The following NRG1 variants were observed in gnomAD, a reference collection of about 807,000 sequenced individuals.
The protein encoded by NRG1 is neuregulin 1, also known as pro-neuregulin-1, membrane-bound isoform.
NRG1 carries 18 observed loss-of-function variants against 63.8 expected under a neutral mutation model. The observed-to-expected ratio is 0.28, with a 90% confidence interval of 0.19 to 0.42. NRG1 has a LOEUF of 0.42. Ranked by LOEUF, NRG1 falls within the 10% of genes least tolerant of loss-of-function variation. The pLI, the probability that NRG1 is intolerant of heterozygous loss-of-function variation, is 1.00. For missense variants in NRG1, 762 were observed against 814.7 expected, an observed-to-expected ratio of 0.94 and a Z score of 0.79; for synonymous variants, 302 against 301.3, an observed-to-expected ratio of 1.00 and a Z score of -0.02.
intron 1 of NRG1, among the ~76,000 whole-genome samples, chr8:32,334,131 A>G (rs1802969640): frequency 6.6e-6 from 1 of 152,140 alleles, no homozygotes; most frequent in Non-Finnish European, 1.5e-5. Flanking sequence ...CATTTATATC[A>G]CTTACAAGAC....
At chr8:31,723,006 A>G (rs1813074433) in intron 1 of NRG1, among the ~76,000 whole-genome samples, 1 of 152,194 alleles carries the variant, frequency 6.6e-6, no homozygotes, top group African/African-American at 2.4e-5. Flanking sequence ...TTGATATATG[A>G]AAATATTCAC....
chr8:31,950,980 C>T (rs12334969), intron 1 of NRG1, among the ~76,000 whole-genome samples: 6,310 of 152,206 alleles, frequency 0.041, 459 homozygotes, highest in African/African-American at 0.14. Flanking sequence ...TGGAAAATAA[C>T]AGTGATTAGG....
At chr8:31,713,437 A>T (rs902580408) in intron 1 of NRG1, among the ~76,000 whole-genome samples, 1 of 152,028 alleles carries the variant, frequency 6.6e-6, no homozygotes, top group African/African-American at 2.4e-5. Flanking sequence ...TTTTTAACAC[A>T]TGGTGAGGTG....
rs528687052 is a variant in NRG1 at position 31,888,955 on chromosome 8, C to T, written c.37+249524C>T. Among the ~76,000 whole-genome samples, 22 of 152,194 alleles carry T rather than the reference C, an allele frequency of 1.4e-4. No homozygotes were observed. In the East Asian group the frequency reaches 4.1e-3, roughly 28 times the overall value. On this transcript the variant is annotated intron_variant, in intron 1 of 10. Transcript: ENST00000519301. ...AGGAGACTCATAAATATTGGTTTTT[C>T]AGGGTGAAGCATTGTGTGTTATTCC...
intron 1 of NRG1, among the ~76,000 whole-genome samples, chr8:32,221,799 T>TA (rs1203912776): frequency 3.3e-5 from 5 of 151,560 alleles, no homozygotes; most frequent in African/African-American, 1.2e-4. Context: ...AAAGTTGTAT[T>TA]TTTTTTAAAC....
chr8:32,137,765 T>C (rs79605235), intron 1 of NRG1, among the ~76,000 whole-genome samples: 2,975 of 152,276 alleles, frequency 0.02, 44 homozygotes, highest in Non-Finnish European at 0.031. Flanking sequence ...TCTCTCTATT[T>C]GGGTTTCAGG....
chr8:32,187,592 A>G (rs4733306), intron 1 of NRG1, among the ~76,000 whole-genome samples: 125,048 of 152,066 alleles, frequency 0.82, 52,019 homozygotes, highest in African/African-American at 0.93. Flanking sequence ...TGATTTGTGA[A>G]GCATTCATCT....
intron 1 of NRG1, among the ~76,000 whole-genome samples, chr8:31,847,287 A>G (rs1826779913): frequency 6.7e-6 from 1 of 149,642 alleles, no homozygotes. Context: ...TTTACCTAAG[A>G]CTTTAAAAGA....
At chr8:32,055,752 G>C (rs1438188658) in intron 1 of NRG1, among the ~76,000 whole-genome samples, 1 of 150,400 alleles carries the variant, frequency 6.6e-6, no homozygotes, top group Non-Finnish European at 1.5e-5. Flanking sequence ...TTTTAACTCA[G>C]AGGTATACTC....
intron 1 of NRG1, among the ~76,000 whole-genome samples, chr8:32,279,020 T>C (rs544818330): frequency 4.6e-5 from 7 of 152,216 alleles, no homozygotes; most frequent in Non-Finnish European, 1.0e-4. Flanking sequence ...ATTATGTTGA[T>C]GAATAAAGGG....
chr8:32,607,693 A>G (rs896376409), intron 3 of NRG1, among the ~76,000 whole-genome samples: 14 of 152,196 alleles, frequency 9.2e-5, no homozygotes, highest in Admixed American at 6.5e-5. Context: ...GTCTTGGTCT[A>G]GTGATCAAAT....
chr8:31,919,135 G>C (rs1265828913), intron 1 of NRG1, among the ~76,000 whole-genome samples: 3 of 151,414 alleles, frequency 2.0e-5, no homozygotes, highest in African/African-American at 7.3e-5. Flanking sequence ...CAATTTTGTT[G>C]ATCCTTTCAA....
At chr8:31,867,596 T>TA (rs11378425) in intron 1 of NRG1, among the ~76,000 whole-genome samples, 100,856 of 151,872 alleles carry the variant, frequency 0.66, 33,880 homozygotes, top group East Asian at 0.92. Context: ...TTTGGGAAAA[T>TA]AAGGCTGTAA....
At chr8:32,763,382 C>G in intron 11 of NRG1, 2 of 1,609,478 alleles carry the variant, frequency 1.2e-6, no homozygotes, top group Non-Finnish European at 1.7e-6. Flanking sequence ...AGTAATACTT[C>G]TTTCCCTTCC....
intron 1 of NRG1, among the ~76,000 whole-genome samples, chr8:32,451,119 T>A (rs13262234): frequency 0.052 from 7,989 of 152,270 alleles, 280 homozygotes; most frequent in Middle Eastern, 0.085. Flanking sequence ...AATTATAATT[T>A]TTCTCAAACT....
intron 1 of NRG1, among the ~76,000 whole-genome samples, chr8:32,554,675 T>A (rs1398188148): frequency 6.6e-6 from 1 of 152,184 alleles, no homozygotes; most frequent in East Asian, 1.9e-4. Context: ...ACACATTAGA[T>A]TTCTTTTGCA....
chr8:31,698,103 A>G (rs1289092840), intron 1 of NRG1, among the ~76,000 whole-genome samples: 1 of 152,126 alleles, frequency 6.6e-6, no homozygotes, highest in Admixed American at 6.5e-5. Context: ...CTGTCACTAC[A>G]GTGCTTTGGG....
chr8:31,732,518 T>A (rs1814196737), intron 1 of NRG1, among the ~76,000 whole-genome samples: 1 of 152,172 alleles, frequency 6.6e-6, no homozygotes, highest in Admixed American at 6.5e-5. Flanking sequence ...GTATGAATTT[T>A]AGGCTGTAAG....
intron 1 of NRG1, among the ~76,000 whole-genome samples, chr8:32,271,558 T>C (rs1220936477): frequency 6.6e-6 from 1 of 152,188 alleles, no homozygotes; most frequent in Admixed American, 6.5e-5. Flanking sequence ...CATTCCTTTG[T>C]TCAAGTGTGG....
Sources: gnomAD v4.1 joint callset for allele counts (sites outside exome capture counted in the v4.1 genomes callset) on GRCh38, gnomAD v4.1.1 for gene constraint, MANE v1.5 for transcripts, NCBI Gene and HGNC (gene_info 2026-07-23, HGNC 2026-07-21) for gene names.